The following ARID3B variants were observed in gnomAD, a reference collection of about 807,000 sequenced individuals.
The protein encoded by ARID3B is AT-rich interaction domain 3B.
Under a neutral mutation model 51.9 loss-of-function variants are expected in ARID3B, and 10 were observed. The observed-to-expected ratio is 0.19, with a 90% CI of 0.12 to 0.33. ARID3B has a LOEUF of 0.33. Among genes scored for constraint, ARID3B ranks in the 10% least tolerant of loss-of-function variants. ARID3B has a pLI of 1.00. For missense variants in ARID3B, 483 were observed against 716.3 expected (o/e 0.67, Z 3.72); for synonymous variants, 205 against 279.5 (o/e 0.73, Z 2.66).
intron 2 of ARID3B, among the ~76,000 whole-genome samples, chr15:74,566,471 C>T (rs1282771227): frequency 7.9e-5 from 12 of 151,866 alleles, no homozygotes; most frequent in African/African-American, 2.2e-4. Flanking sequence ...GGCATGGTGG[C>T]GCGTGCCTGT....
At chr15:74,564,528 A>G (rs1567119735) in intron 2 of ARID3B, among the ~76,000 whole-genome samples, 1 of 152,222 alleles carries the variant, frequency 6.6e-6, no homozygotes, top group Non-Finnish European at 1.5e-5. Flanking sequence ...TGCTTTAGTT[A>G]CATTTTGTAT....
chr15:74,576,337 G>A (rs2061737216), intron 4 of ARID3B, among the ~76,000 whole-genome samples: 1 of 152,060 alleles, frequency 6.6e-6, no homozygotes, highest in African/African-American at 2.4e-5. Flanking sequence ...CCTCTGGCAT[G>A]GAAAGATGAG....
chr15:74,590,984 C>T (rs1340573046), intron 5 of ARID3B, among the ~76,000 whole-genome samples, 167 bp from the exon 6 acceptor site: 2 of 152,172 alleles, frequency 1.3e-5, no homozygotes, highest in Admixed American at 1.3e-4. Context: ...GAGGCTGGGG[C>T]AGAGTGTCCG....
chr15:74,563,201 G>A (rs2061685303), intron 2 of ARID3B, among the ~76,000 whole-genome samples: 1 of 152,232 alleles, frequency 6.6e-6, no homozygotes, highest in Non-Finnish European at 1.5e-5. Context: ...CCTGGTAGAG[G>A]TGGCCGGTGG....
At chr15:74,550,738 G>A (rs1459446600) in intron 2 of ARID3B, among the ~76,000 whole-genome samples, 1 of 151,622 alleles carries the variant, frequency 6.6e-6, no homozygotes, top group Non-Finnish European at 1.5e-5. Flanking sequence ...AAAAGACCCT[G>A]CTTCCACTGC....
At chr15:74,594,620 T>C (rs370632136) in intron 8 of ARID3B, among the ~76,000 whole-genome samples, 22 of 152,330 alleles carry the variant, frequency 1.4e-4, no homozygotes, top group African/African-American at 5.3e-4. Flanking sequence ...ACTGGGAGTG[T>C]TTCCTCAGGG....
At chr15:74,541,484 C>T (rs1005655356) in intron 1 of ARID3B, among the ~76,000 whole-genome samples, 154 bp downstream of exon 1, 13 of 152,342 alleles carry the variant, frequency 8.5e-5, no homozygotes, top group Admixed American at 2.0e-4. Context: ...GAGAGCGCCG[C>T]GGGAGCCCCG....
intron 2 of ARID3B, among the ~76,000 whole-genome samples, chr15:74,551,546 C>T (rs1310259577): frequency 2.6e-5 from 4 of 152,158 alleles, no homozygotes; most frequent in African/African-American, 9.7e-5. Context: ...GGGACTTGCT[C>T]CATCAGTGAA....
intron 4 of ARID3B, among the ~76,000 whole-genome samples, chr15:74,577,593 T>C (rs1387052140): frequency 6.6e-6 from 1 of 152,170 alleles, no homozygotes; most frequent in Admixed American, 6.5e-5. Flanking sequence ...CAATCATGGC[T>C]CATCGCACCC....
At chr15:74,563,352 G>C (rs2061686145) in intron 2 of ARID3B, among the ~76,000 whole-genome samples, 1 of 152,206 alleles carries the variant, frequency 6.6e-6, no homozygotes, top group Non-Finnish European at 1.5e-5. Flanking sequence ...AACTGTGACT[G>C]TGTTCTGCCT....
intron 4 of ARID3B, among the ~76,000 whole-genome samples, chr15:74,583,444 A>T (rs1028301963): frequency 6.6e-6 from 1 of 151,890 alleles, no homozygotes; most frequent in Non-Finnish European, 1.5e-5. Context: ...TTGGCCAGAC[A>T]TGGTGGCTCA....
In ARID3B at chr15:74,541,324, C is replaced by T. The variant is rs1427511145; in HGVS notation, c.-84C>T. On this transcript the variant is annotated 5_prime_UTR_variant, in exon 1 of 9. Coordinates refer to ENST00000346246, the MANE Select transcript of ARID3B (RefSeq NM_006465.4). ...CGCCGCCCGAAAACCCGGAGTGCCC[C>T]GCACAGGTAAGTGGCCCGGGTCCGG... 1 of 152,350 alleles carries T rather than the reference C, an allele frequency of 6.6e-6. No homozygotes were observed. Among genetic ancestry groups the T allele is most frequent in the African/African-American group, 2.4e-5 (1 of 41,464 alleles). 9.4% of individuals were successfully genotyped at this position (152,350 alleles called of 1,614,324 possible). A position where few individuals can be genotyped will look rare whatever the true frequency, so the allele number is the denominator to read the frequency against.
chr15:74,572,642 G>T (rs968184023), intron 2 of ARID3B, among the ~76,000 whole-genome samples: 1 of 151,294 alleles, frequency 6.6e-6, no homozygotes, highest in African/African-American at 2.4e-5. Flanking sequence ...TCTTCCACCC[G>T]ATTCCCTCTT....
In ARID3B at chr15:74,597,236, A is replaced by G. The variant is rs2061830741; in HGVS notation, c.*1462A>G. ...CGGGAGCAGGCAGCTCCTGTGCTGT[A>G]AAGAAAATTGATTCGCTTGCGGCTC... On this transcript the variant is annotated 3_prime_UTR_variant, in exon 9 of 9. Transcript: ENST00000346246. 1 of 373,634 alleles carries G rather than the reference A, an allele frequency of 2.7e-6. No homozygotes were observed. The highest frequency in any genetic ancestry group is 5.0e-6 in the Non-Finnish European group (1 of 200,210). 23.1% of individuals were successfully genotyped at this position (373,634 alleles called of 1,614,324 possible). A position where few individuals can be genotyped will look rare whatever the true frequency, so the allele number is the denominator to read the frequency against.
chr15:74,566,973 C>A (rs530751988), intron 2 of ARID3B, among the ~76,000 whole-genome samples: 1 of 151,932 alleles, frequency 6.6e-6, no homozygotes, highest in East Asian at 1.9e-4. Flanking sequence ...TCCCCCAGTT[C>A]CAATCCGATT....
chr15:74,569,342 T>C (rs1371277938), intron 2 of ARID3B, among the ~76,000 whole-genome samples: 1 of 151,722 alleles, frequency 6.6e-6, no homozygotes, highest in South Asian at 2.1e-4. Flanking sequence ...CCCTCTTCAT[T>C]ATTATTATTA....
intron 2 of ARID3B, among the ~76,000 whole-genome samples, chr15:74,565,372 C>A (rs569865813): frequency 6.6e-5 from 10 of 152,254 alleles, no homozygotes; most frequent in African/African-American, 2.4e-4. Flanking sequence ...AGAGAACTCT[C>A]AAGAATCTCT....
At chr15:74,549,468 G>A (rs1030321477) in intron 2 of ARID3B, among the ~76,000 whole-genome samples, 6 of 151,660 alleles carry the variant, frequency 4.0e-5, no homozygotes, top group African/African-American at 1.5e-4. Context: ...TCGGCAGGCT[G>A]AGGCAGGAAA....
intron 2 of ARID3B, among the ~76,000 whole-genome samples, chr15:74,566,652 A>G (rs377574353): frequency 1.3e-5 from 2 of 152,028 alleles, no homozygotes; most frequent in South Asian, 2.1e-4. Context: ...TGTCCGTTCT[A>G]TGAGAAATTC....
Sources: gnomAD v4.1 joint callset for allele counts (sites outside exome capture counted in the v4.1 genomes callset) on GRCh38, gnomAD v4.1.1 for gene constraint, MANE v1.5 for transcripts, NCBI Gene and HGNC (gene_info 2026-07-23, HGNC 2026-07-21) for gene names.